The following PRELID2 variants were observed in gnomAD, a reference collection of about 807,000 sequenced individuals.
PRELID2 encodes PRELI domain-containing protein 2.
Under a neutral mutation model 28.4 loss-of-function variants are expected in PRELID2, and 25 were observed. The ratio of observed to expected loss-of-function variants is 0.88; its 90% confidence interval spans 0.64 to 1.23. The LOEUF is 1.23. Ranked by LOEUF, PRELID2 falls within the 50% of genes most tolerant of loss-of-function variation. PRELID2 has a pLI of 0.00. For synonymous variants in PRELID2, 76 were observed against 71.6 expected (o/e 1.06, Z -0.31); for missense variants, 201 against 214.4 (o/e 0.94, Z 0.39).
intron 1 of PRELID2, among the ~76,000 whole-genome samples, chr5:145,741,867 T>A (rs374080364): frequency 0.64 from 68,103 of 107,118 alleles, 22,100 homozygotes; most frequent in Non-Finnish European, 0.74. Flanking sequence ...TAATTTAATT[T>A]AATAAATAAA....
At chr5:145,415,751 G>A in the PRELID2 span, among the ~76,000 whole-genome samples, 2 of 152,034 alleles carry the variant, frequency 1.3e-5, no homozygotes, top group East Asian at 1.9e-4. Context: ...ATGTGTGCAT[G>A]TGTCTTTATA....
the PRELID2 span, among the ~76,000 whole-genome samples, chr5:145,269,119 A>C: frequency 6.6e-6 from 1 of 152,140 alleles, no homozygotes; most frequent in African/African-American, 2.4e-5. Flanking sequence ...TAATCTATAC[A>C]TTCATACAAT....
intron 1 of PRELID2, among the ~76,000 whole-genome samples, chr5:145,518,445 A>T (rs543533631): frequency 6.6e-6 from 1 of 152,118 alleles, no homozygotes; most frequent in South Asian, 2.1e-4. Flanking sequence ...TGATCCTCCC[A>T]CCTCGGCCTC....
intron 1 of PRELID2, among the ~76,000 whole-genome samples, chr5:145,827,189 A>C (rs1465132342): frequency 6.6e-6 from 1 of 152,200 alleles, no homozygotes; most frequent in Admixed American, 6.5e-5. Flanking sequence ...ATGTACATGC[A>C]AAGAGATGGG....
At chr5:145,704,738 C>T (rs1755498089) in intron 1 of PRELID2, among the ~76,000 whole-genome samples, 1 of 152,134 alleles carries the variant, frequency 6.6e-6, no homozygotes, top group Non-Finnish European at 1.5e-5. Flanking sequence ...GTTGGGCCAC[C>T]TATGTTTCTC....
At chr5:145,417,400 A>T in the PRELID2 span, among the ~76,000 whole-genome samples, 1 of 152,210 alleles carries the variant, frequency 6.6e-6, no homozygotes, top group Non-Finnish European at 1.5e-5. Flanking sequence ...TCATTCTATG[A>T]GGCCAGCATC....
intron 1 of PRELID2, among the ~76,000 whole-genome samples, chr5:145,834,007 C>A (rs1051292198): frequency 1.3e-5 from 2 of 152,178 alleles, no homozygotes; most frequent in African/African-American, 2.4e-5. Flanking sequence ...CAGGCCTGGG[C>A]GCTTTCGATT....
At chr5:145,342,249 G>C in the PRELID2 span, among the ~76,000 whole-genome samples, 45 of 152,162 alleles carry the variant, frequency 3.0e-4, no homozygotes, top group African/African-American at 1.1e-3. Context: ...CACAAAAAAA[G>C]GTTCAAAAGA....
the PRELID2 span, among the ~76,000 whole-genome samples, chr5:145,248,107 T>C: frequency 1.3e-5 from 2 of 152,014 alleles, no homozygotes; most frequent in Non-Finnish European, 2.9e-5. Flanking sequence ...AAATATAAAA[T>C]AGCTATTAAT....
At chr5:145,354,834 GA>G in the PRELID2 span, among the ~76,000 whole-genome samples, 1 of 152,070 alleles carries the variant, frequency 6.6e-6, no homozygotes. Context: ...GAGATTAGTG[GA>G]ACCTAATCAA....
At chr5:145,781,926 T>A (rs1395039041) in intron 5 of PRELID2, among the ~76,000 whole-genome samples, 1 of 151,956 alleles carries the variant, frequency 6.6e-6, no homozygotes, top group Non-Finnish European at 1.5e-5. Context: ...AATTCCTATT[T>A]TCTCATTGTC....
intron 1 of PRELID2, among the ~76,000 whole-genome samples, chr5:145,704,825 A>T (rs1018835375): frequency 1.3e-5 from 2 of 152,178 alleles, no homozygotes; most frequent in African/African-American, 4.8e-5. Context: ...AAAACAGAGA[A>T]TTGGGCTGTT....
the PRELID2 span, among the ~76,000 whole-genome samples, chr5:145,438,747 G>A: frequency 6.6e-6 from 1 of 152,072 alleles, no homozygotes; most frequent in Non-Finnish European, 1.5e-5. Context: ...CTATCTTCCT[G>A]CAGAAATCAC....
At chr5:145,826,459 T>C (rs549290702) in intron 1 of PRELID2, among the ~76,000 whole-genome samples, 3 of 152,356 alleles carry the variant, frequency 2.0e-5, no homozygotes, top group African/African-American at 4.8e-5. Flanking sequence ...TACTACTTTA[T>C]GGATGATTTA....
At chr5:145,712,157 G>A (rs1477431135) in intron 1 of PRELID2, among the ~76,000 whole-genome samples, 1 of 152,226 alleles carries the variant, frequency 6.6e-6, no homozygotes, top group Non-Finnish European at 1.5e-5. Context: ...AGAGCTGATT[G>A]TCAAATGTTC....
At chr5:145,689,910 A>G (rs1755111443) in intron 1 of PRELID2, among the ~76,000 whole-genome samples, 1 of 151,994 alleles carries the variant, frequency 6.6e-6, no homozygotes, top group African/African-American at 2.4e-5. Flanking sequence ...CAGCTTTTCT[A>G]AACAATGGCT....
chr5:145,428,139 AC>A, the PRELID2 span, among the ~76,000 whole-genome samples: 1 of 152,018 alleles, frequency 6.6e-6, no homozygotes, highest in Non-Finnish European at 1.5e-5. Flanking sequence ...TCATATGTTT[AC>A]TAGAGATGGG....
At chr5:145,328,007 T>G in the PRELID2 span, among the ~76,000 whole-genome samples, 1 of 151,994 alleles carries the variant, frequency 6.6e-6, no homozygotes, top group African/African-American at 2.4e-5. Context: ...ATTGTTCAAC[T>G]CCCACTTACA....
the PRELID2 span, among the ~76,000 whole-genome samples, chr5:145,309,715 T>C: frequency 5.5e-4 from 83 of 152,272 alleles, no homozygotes; most frequent in African/African-American, 1.8e-3. Flanking sequence ...GAGTCCATGT[T>C]TTACAGTTTA....
Sources: allele counts gnomAD v4.1 joint callset (sites outside exome capture counted in the v4.1 genomes callset), GRCh38; gene constraint gnomAD v4.1.1; transcripts MANE v1.5; gene names NCBI Gene and HGNC (gene_info 2026-07-23, HGNC 2026-07-21).